Variants in TMEM26 observed in about 807,000 individuals in gnomAD.
TMEM26 encodes transmembrane protein 26.
In TMEM26, 38 loss-of-function variants were observed where a neutral mutation model predicts 28.8. That is an observed-to-expected ratio of 1.32 (90% CI 1.02 to 1.73). The LOEUF (loss-of-function observed/expected upper bound fraction) is 1.73. Among genes scored for constraint, TMEM26 ranks in the 40% most tolerant of loss-of-function variants. The probability of loss-of-function intolerance (pLI) is 0.00; values close to 1 mark genes in which losing one functional copy is unlikely to be tolerated. For missense variants in TMEM26, 518 were observed against 447.1 expected (o/e 1.16, Z -1.43); for synonymous variants, 227 against 182.9 (o/e 1.24, Z -1.95).
At chr10:61,415,913 A>G (rs1182300757) in intron 4 of TMEM26, 16 of 261,862 alleles carry the variant, frequency 6.1e-5, no homozygotes, top group South Asian at 5.0e-4. Flanking sequence ...TTTATTTCAT[A>G]TGTTTAAGGA....
chr10:61,432,943 A>G (rs561806305), intron 2 of TMEM26, among the ~76,000 whole-genome samples: 2 of 152,196 alleles, frequency 1.3e-5, no homozygotes, highest in Non-Finnish European at 1.5e-5. Context: ...TAAAAATTAA[A>G]TGTTTAACCA....
At chr10:61,415,360 G>A (rs1480991184) in intron 4 of TMEM26, among the ~76,000 whole-genome samples, 1 of 152,094 alleles carries the variant, frequency 6.6e-6, no homozygotes, top group Admixed American at 6.6e-5. Flanking sequence ...CCTTGGGAAT[G>A]CAGACTGTAG....
chr10:61,434,847 T>C (rs1385734278), intron 2 of TMEM26, among the ~76,000 whole-genome samples: 1 of 152,222 alleles, frequency 6.6e-6, no homozygotes, highest in African/African-American at 2.4e-5. Context: ...TAGGGTTACA[T>C]ATTGGGGGCT....
intron 2 of TMEM26, among the ~76,000 whole-genome samples, chr10:61,434,995 T>G (rs915600981): frequency 6.6e-6 from 1 of 152,184 alleles, no homozygotes; most frequent in Non-Finnish European, 1.5e-5. Context: ...TGTAACATAG[T>G]CCTGTAACCT....
chr10:61,423,825 C>T (rs1915433), intron 4 of TMEM26, among the ~76,000 whole-genome samples: 4 of 151,946 alleles, frequency 2.6e-5, no homozygotes, highest in Non-Finnish European at 5.9e-5. Flanking sequence ...TTAGTGTAAT[C>T]TATTGTTTTA....
chr10:61,438,055 C>T (rs886426809), intron 1 of TMEM26, among the ~76,000 whole-genome samples: 2 of 151,854 alleles, frequency 1.3e-5, no homozygotes, highest in Admixed American at 6.6e-5. Context: ...TTTTTAAAGG[C>T]TATTAACCCT....
intron 1 of TMEM26, among the ~76,000 whole-genome samples, chr10:61,437,107 T>G (rs984568957): frequency 6.6e-5 from 10 of 152,216 alleles, no homozygotes; most frequent in African/African-American, 2.2e-4. Context: ...GGGATTCTGG[T>G]GAGGACTCCC....
At chr10:61,447,403 T>G in intron 1 of TMEM26, among the ~76,000 whole-genome samples, 1 of 152,234 alleles carries the variant, frequency 6.6e-6, no homozygotes, top group Admixed American at 6.5e-5. Context: ...GGTTTTCAAT[T>G]TCACTGCTGA....
rs986461060 is a variant in TMEM26 at position 61,408,004 on chromosome 10, G to A, written c.*2318C>T. On this transcript the variant is annotated 3_prime_UTR_variant, in exon 6 of 6. Transcript: ENST00000399298. Reference sequence around the variant, plus strand: ...GAACAAATTTGTAATATTTAATCAGGAGTCTTAGGAATGGCTAATATATAA... The same window carrying A: ...GAACAAATTTGTAATATTTAATCAGAAGTCTTAGGAATGGCTAATATATAA... 1.3e-5 allele frequency: 2 copies of A among 152,134 alleles called. No homozygotes were observed. The highest frequency in any genetic ancestry group is 4.8e-5 in the African/African-American group (2 of 41,430). The allele number at this position is 152,134 out of a possible 1,614,324, so 9.4% of individuals were successfully genotyped here. A position where few individuals can be genotyped will look rare whatever the true frequency, so the allele number is the denominator to read the frequency against.
intron 1 of TMEM26, among the ~76,000 whole-genome samples, chr10:61,451,329 T>C (rs1188734603): frequency 1.3e-5 from 2 of 152,212 alleles, no homozygotes; most frequent in African/African-American, 4.8e-5. Context: ...GGTCTACTCT[T>C]GGAGGGGGAG....
At chr10:61,419,638 A>T (rs1475162698) in intron 4 of TMEM26, among the ~76,000 whole-genome samples, 1 of 152,132 alleles carries the variant, frequency 6.6e-6, no homozygotes, top group East Asian at 1.9e-4. Context: ...TCGAATCTGA[A>T]AGACACAGAG....
rs114413887 is a variant in TMEM26, at chr10:61,447,174, T to C, written c.191+5717A>G. ...CACAGGGTCTCCTTTCAAATCCCTC[T>C]ATCTCATCCTCTCTGGGGTCCAAAA... is the stretch of plus-strand genomic sequence containing the variant. On this transcript the variant is annotated intron_variant, in intron 1 of 5. Coordinates refer to ENST00000399298, the MANE Select transcript of TMEM26 (RefSeq NM_178505.8). Among the ~76,000 whole-genome samples, 317 of 152,310 alleles carry C rather than the reference T, an allele frequency of 2.1e-3. 1 individual carries two copies. Among genetic ancestry groups the C allele is most frequent in the African/African-American group, 7.3e-3 (304 of 41,572 alleles).
chr10:61,451,655 G>T (rs1263296771), intron 1 of TMEM26, among the ~76,000 whole-genome samples: 2 of 152,256 alleles, frequency 1.3e-5, no homozygotes, highest in South Asian at 2.1e-4. Context: ...AATTCTTCAT[G>T]GGGGTGGGGA....
At chr10:61,436,105 T>G in intron 2 of TMEM26, 65 bp downstream of exon 2, 2 of 1,024,018 alleles carry the variant, frequency 2.0e-6, no homozygotes, top group Non-Finnish European at 2.9e-6. Context: ...GAAAATAAAC[T>G]GGATCATACT....
At chr10:61,425,763 G>C (rs996679930) in intron 4 of TMEM26, among the ~76,000 whole-genome samples, 11 of 152,152 alleles carry the variant, frequency 7.2e-5, no homozygotes, top group Admixed American at 2.0e-4. Flanking sequence ...CATCAGAAGG[G>C]TATAACAAAA....
intron 4 of TMEM26, among the ~76,000 whole-genome samples, chr10:61,421,964 A>C (rs934036255): frequency 6.6e-6 from 1 of 152,120 alleles, no homozygotes; most frequent in African/African-American, 2.4e-5. Context: ...TTGAAAGTAA[A>C]AGAATAAAAA....
intron 4 of TMEM26, among the ~76,000 whole-genome samples, chr10:61,427,488 T>C (rs1839851406): frequency 6.6e-6 from 1 of 152,068 alleles, no homozygotes; most frequent in Admixed American, 6.6e-5. Flanking sequence ...TTCATTTGGG[T>C]TGTTTGTTTT....
chr10:61,439,785 T>G (rs936187313), intron 1 of TMEM26, among the ~76,000 whole-genome samples: 7 of 152,218 alleles, frequency 4.6e-5, no homozygotes, highest in Non-Finnish European at 8.8e-5. Context: ...GCTCAATAAA[T>G]GTACTTGCTG....
chr10:61,416,974 C>T (rs959378393), intron 4 of TMEM26, among the ~76,000 whole-genome samples: 3 of 151,920 alleles, frequency 2.0e-5, no homozygotes, highest in African/African-American at 7.2e-5. Context: ...TGTTGAAAAA[C>T]ATACTAGTGA....
Sources: allele counts gnomAD v4.1 joint callset (sites outside exome capture counted in the v4.1 genomes callset), GRCh38; gene constraint gnomAD v4.1.1; transcripts MANE v1.5; gene names NCBI Gene and HGNC (gene_info 2026-07-23, HGNC 2026-07-21).